The following PRR5 variants were observed in gnomAD, a reference collection of about 807,000 sequenced individuals.
PRR5 encodes proline rich 5.
In PRR5, 25 loss-of-function variants were observed where a neutral mutation model predicts 30.6. The observed-to-expected ratio is 0.82, with a 90% CI of 0.60 to 1.14. PRR5 has a LOEUF of 1.14. Among genes scored for constraint, PRR5 ranks in the 50% most tolerant of loss-of-function variants. PRR5 has a pLI of 0.00. For missense variants in PRR5, 600 were observed against 547.1 expected (o/e 1.10, Z -0.96); for synonymous variants, 286 against 247.1 (o/e 1.16, Z -1.48).
At chr22:44,696,863 A>G (rs5764964) in intron 1 of PRR5, among the ~76,000 whole-genome samples, 37,491 of 151,934 alleles carry the variant, frequency 0.25, 4,803 homozygotes, top group South Asian at 0.41. Context: ...CAGCCTCCCT[A>G]GTAGCTGGGA....
At chr22:44,695,767 T>G (rs1288001266) in intron 1 of PRR5, among the ~76,000 whole-genome samples, 1 of 151,340 alleles carries the variant, frequency 6.6e-6, no homozygotes, top group Admixed American at 6.6e-5. Context: ...CCCAGCTAAT[T>G]TTTTTGTATT....
intron 1 of PRR5, among the ~76,000 whole-genome samples, chr22:44,688,951 G>A (rs191092749): frequency 3.9e-5 from 6 of 152,178 alleles, no homozygotes; most frequent in South Asian, 2.1e-4. Context: ...TCACTCCACC[G>A]CACTCCAGCT....
chr22:44,729,124 C>T (rs1239933152), intron 4 of PRR5, among the ~76,000 whole-genome samples: 1 of 152,202 alleles, frequency 6.6e-6, no homozygotes, highest in Non-Finnish European at 1.5e-5. Context: ...ACCAGGGAAT[C>T]CAAACCCGGT....
intron 4 of PRR5, among the ~76,000 whole-genome samples, chr22:44,727,066 A>G (rs1920984096): frequency 6.6e-6 from 1 of 151,920 alleles, no homozygotes; most frequent in East Asian, 1.9e-4. Context: ...GTCGAGGCTC[A>G]CAGCCACCCA....
chr22:44,679,655 G>A (rs1034358485), intron 1 of PRR5: 24 of 694,520 alleles, frequency 3.5e-5, no homozygotes, highest in African/African-American at 2.0e-4. Flanking sequence ...GCAGTGAGCC[G>A]AGATCGCCCC....
upstream of PRR5, among the ~76,000 whole-genome samples, chr22:44,700,030 C>T (rs527398689): frequency 8.6e-5 from 13 of 152,026 alleles, no homozygotes; most frequent in African/African-American, 1.9e-4. Context: ...AGTTTGAGAG[C>T]GTGGGCTAGG....
intron 6 of PRR5, chr22:44,734,453 G>C (rs1922819805): frequency 6.5e-6 from 1 of 152,990 alleles, no homozygotes; most frequent in Admixed American, 6.5e-5. Context: ...TCAGCGCACA[G>C]CTGGGTGAGC....
intron 2 of PRR5, among the ~76,000 whole-genome samples, chr22:44,721,352 C>A (rs886431735): frequency 6.6e-6 from 1 of 152,062 alleles, no homozygotes; most frequent in Non-Finnish European, 1.5e-5. Flanking sequence ...AGTAGTGGCC[C>A]GCAATCAGTG....
At chr22:44,681,315 C>T (rs1924261943) in intron 1 of PRR5, among the ~76,000 whole-genome samples, 1 of 152,148 alleles carries the variant, frequency 6.6e-6, no homozygotes, top group South Asian at 2.1e-4. Context: ...GGAGGCCAGG[C>T]GCAGTGGCTT....
chr22:44,689,358 C>T (rs73171598), intron 1 of PRR5, among the ~76,000 whole-genome samples: 2 of 152,168 alleles, frequency 1.3e-5, no homozygotes, highest in African/African-American at 4.8e-5. Context: ...CATCTTTCAT[C>T]CCTTATCAGA....
chr22:44,709,885 T>C (rs1332325470), intron 1 of PRR5, among the ~76,000 whole-genome samples: 1 of 151,984 alleles, frequency 6.6e-6, no homozygotes, highest in Non-Finnish European at 1.5e-5. Flanking sequence ...ACTTCCGACC[T>C]CAGAACCGTA....
At chr22:44,690,149 G>A (rs1925118108) in intron 1 of PRR5, among the ~76,000 whole-genome samples, 1 of 152,126 alleles carries the variant, frequency 6.6e-6, no homozygotes, top group South Asian at 2.1e-4. Flanking sequence ...GGGATGCGGG[G>A]GCAGGTGACC....
Position 44,736,771 on chromosome 22 carries a change from GA to G in PRR5, c.695del (p.Lys232SerfsTer29). 6.5e-7 allele frequency: 1 copy of G among 1,536,472 alleles called. No homozygotes were observed. The highest frequency in any genetic ancestry group is 2.3e-5 in the East Asian group (1 of 43,968). Reference protein sequence around the residue: ...EGPFTHSCILEKRLLRRSRSG... With the variant: ...EGPFTHSCILXKRLLRRSRSG... ...GTGACAGTGCCCGTGTCTCTCCCCA[GA>G]AAAGCGCCTCCTCCGCCGCTCCCGC... On this transcript the variant is annotated frameshift_variant and splice_region_variant, in exon 8 of 8. Transcript: ENST00000336985. LOFTEE classifies it low-confidence loss of function (END_TRUNC).
rs1469554933 is a variant in PRR5 at position 44,737,327 on chromosome 22, CT to C, written c.*86del. The C allele has an allele frequency of 6.0e-6, 9 of 1,507,248 alleles. No individual in the cohort carries two copies. The Admixed American group carries it at 1.5e-4, about 25-fold the overall frequency. 93.4% of individuals were successfully genotyped at this position (1,507,248 alleles called of 1,614,324 possible). ...CCATGTGGCGTGTGTGTGAGTGAGACTTTTTTACTGCGTCCCGTCCCGCCAG... is the reference window on the plus strand; with the variant it reads ...CCATGTGGCGTGTGTGTGAGTGAGACTTTTTACTGCGTCCCGTCCCGCCAG... On this transcript the variant is annotated 3_prime_UTR_variant, in exon 8 of 8. Coordinates refer to ENST00000336985, the MANE Select transcript of PRR5 (RefSeq NM_181333.4).
upstream of PRR5, among the ~76,000 whole-genome samples, chr22:44,675,628 C>T (rs898570823): frequency 6.6e-6 from 1 of 152,150 alleles, no homozygotes; most frequent in Non-Finnish European, 1.5e-5. Context: ...CAGTTTCCTG[C>T]TCTGCTGTCA....
In PRR5 at chr22:44,678,251, C is replaced by A. The variant is rs1342476646; in HGVS notation, c.-11+1011C>A. On this transcript the variant is annotated intron_variant, in intron 1 of 8. Coordinates refer to the PRR5 transcript ENST00000006251. ...CACTCTCAGCCTTCTCTCCTCTGGG[C>A]CTTCCTCCTGCTGTTCCTATGCCTA... 5.3e-5 allele frequency among the ~76,000 whole-genome samples: 8 copies of A among 151,980 alleles called. 1 individual carries two copies. Among genetic ancestry groups the A allele is most frequent in the Admixed American group, 5.2e-4 (8 of 15,248 alleles).
At chr22:44,689,324 G>A (rs1249998190) in intron 1 of PRR5, among the ~76,000 whole-genome samples, 1 of 152,134 alleles carries the variant, frequency 6.6e-6, no homozygotes, top group Non-Finnish European at 1.5e-5. Flanking sequence ...TACCAGCTTG[G>A]TGACTCATCT....
chr22:44,732,841 C>CATGCCTGTGCGCACGCACATACTACAT lies in PRR5; in HGVS notation c.555+450_555+451insATGCCTGTGCGCACGCACATACTACAT, dbSNP rs1602096293. 6.5e-5 allele frequency among the ~76,000 whole-genome samples: 3 copies of CATGCCTGTGCGCACGCACATACTACAT among 45,910 alleles called. 1 individual carries two copies. In the East Asian group the frequency reaches 1.6e-3, roughly 25 times the overall value. The allele number at this position is 45,910 out of a possible 152,430, so 30.1% of individuals were successfully genotyped here. ...CACGTGTGCACGCACATACTACACA[C>CATGCCTGTGCGCACGCACATACTACAT]GTGCACACACGTGCACACGCACATA... On this transcript the variant is annotated intron_variant, in intron 6 of 7. Transcript: ENST00000336985.
chr22:44,674,828 C>G (rs1923629591), upstream of PRR5, among the ~76,000 whole-genome samples: 3 of 152,268 alleles, frequency 2.0e-5, no homozygotes, highest in South Asian at 4.1e-4. Context: ...CACCTGTAAT[C>G]CCAGCTACTC....
Sources: gnomAD v4.1 joint callset for allele counts (sites outside exome capture counted in the v4.1 genomes callset) on GRCh38, gnomAD v4.1.1 for gene constraint, MANE v1.5 for transcripts, NCBI Gene and HGNC (gene_info 2026-07-23, HGNC 2026-07-21) for gene names.